MXRA8: variants seen among roughly 807,000 people sequenced by gnomAD.
MXRA8 encodes the protein matrix remodeling-associated protein 8.
A neutral mutation model predicts 51.4 loss-of-function variants in MXRA8; 44 were observed. That is an observed-to-expected ratio of 0.86 (90% confidence interval 0.67 to 1.10). MXRA8 has a LOEUF of 1.10. MXRA8 is among the 50% of genes least tolerant of loss of function. The probability of loss-of-function intolerance (pLI) is 0.00; values close to 1 mark genes in which losing one functional copy is unlikely to be tolerated. For synonymous variants in MXRA8, 369 were observed against 293.5 expected (o/e 1.26, Z -2.63); for missense variants, 765 against 638.9 (o/e 1.20, Z -2.13).
At chr1:1,355,381 C>T (rs765548745) in intron 3 of MXRA8, 36 bp from the exon 4 acceptor site, 7 of 1,545,412 alleles carry the variant, frequency 4.5e-6, no homozygotes, top group Non-Finnish European at 6.1e-6. Context: ...GTGAGCCTTG[C>T]GGTGCCCCCG....
chr1:1,363,304 G>A (rs1451342875), upstream of MXRA8, among the ~76,000 whole-genome samples: 1 of 152,102 alleles, frequency 6.6e-6, no homozygotes, highest in Non-Finnish European at 1.5e-5. Flanking sequence ...AAAAGGACAG[G>A]GTCTCACTGT....
At chr1:1,358,417 G>A (rs748556941) in intron 1 of MXRA8, 39 bp downstream of exon 1, 13 of 1,577,786 alleles carry the variant, frequency 8.2e-6, no homozygotes, top group African/African-American at 4.1e-5. Flanking sequence ...ACAGCCCCAC[G>A]TGCCACCCCC....
upstream of MXRA8, chr1:1,359,312 A>G (rs1220873836): frequency 1.0e-6 from 1 of 985,280 alleles, no homozygotes; most frequent in Non-Finnish European, 1.2e-6. Context: ...TCCTGGAGAA[A>G]GGGGAGAGTG....
chr1:1,353,487 C>T lies in MXRA8; in HGVS notation c.*117G>A. 1 of 1,504,946 alleles carries T rather than the reference C, an allele frequency of 6.6e-7. No individual in the cohort carries two copies. 93.2% of individuals were successfully genotyped at this position (1,504,946 alleles called of 1,614,324 possible). A position where few individuals can be genotyped will look rare whatever the true frequency, so the allele number is the denominator to read the frequency against. Reference sequence around the variant, plus strand: ...CTCTGCATACGCCCAGGCCAAATTCCAGGAAAGCGGGACCAGCCGCTGGAA... The same window carrying T: ...CTCTGCATACGCCCAGGCCAAATTCTAGGAAAGCGGGACCAGCCGCTGGAA... On this transcript the variant is annotated 3_prime_UTR_variant, in exon 10 of 10. Transcript: ENST00000309212.
rs1644089105 is a variant in MXRA8, at chr1:1,354,911, G to A, written c.720C>T (p.Arg240=). The A allele has an allele frequency of 1.2e-6, 2 of 1,609,770 alleles. No homozygotes were observed. Among genetic ancestry groups the A allele is most frequent in the Non-Finnish European group, 1.7e-6 (2 of 1,178,670 alleles). The change falls in exon 5 of 10, where the codon CGC becomes CGT. Residue 240 remains arginine (R), a synonymous_variant. Transcript: ENST00000309212. ...CATCCGCGCCCACAGCCACGCGGTC[G>A]CGCAGAAAAAGGGGCCCGTAGGCGC... ...ERRAYGPLFL[R]DRVAVGADAF... is the part of the protein sequence containing the mutation.
In MXRA8 at chr1:1,354,555, C is replaced by G. The variant is rs201458552; in HGVS notation, c.950-46G>C. The G allele has an allele frequency of 1.0e-5, 16 of 1,590,536 alleles. No homozygotes were observed. In the African/African-American group the frequency reaches 1.9e-4, roughly 19 times the overall value. On this transcript the variant is annotated intron_variant, in intron 5 of 9. Coordinates refer to ENST00000309212, the MANE Select transcript of MXRA8 (RefSeq NM_032348.4). ...GGGCGGCGTCAGGTACCAGCAAGAC[C>G]TGCGCCCCGACCCGGGCCACGGCCC... is the stretch of plus-strand genomic sequence containing the variant.
At chr1:1,360,288 G>T (rs1644204561), upstream of MXRA8, among the ~76,000 whole-genome samples, 1 of 152,226 alleles carries the variant, frequency 6.6e-6, no homozygotes, top group Admixed American at 6.5e-5. Context: ...GCCACCTGGG[G>T]GCAGCTGACC....
At chr1:1,357,546 C>A (rs920271270) in intron 1 of MXRA8, among the ~76,000 whole-genome samples, 3 of 152,190 alleles carry the variant, frequency 2.0e-5, no homozygotes, top group Non-Finnish European at 4.4e-5. Flanking sequence ...GTGGCTCACG[C>A]CTGTAATCCC....
upstream of MXRA8, chr1:1,361,111 A>G (rs1644217132): frequency 8.7e-6 from 6 of 693,196 alleles, no homozygotes; most frequent in Admixed American, 8.1e-5. Flanking sequence ...GGAGACACGC[A>G]TGCATGCACA....
chr1:1,359,331 G>A (rs1644190948), upstream of MXRA8: 4 of 985,314 alleles, frequency 4.1e-6, no homozygotes, highest in Non-Finnish European at 4.8e-6. Context: ...TGGGACCCCT[G>A]CCATGGAAGG....
At chr1:1,360,460 C>T (rs1174040556), upstream of MXRA8, among the ~76,000 whole-genome samples, 1 of 121,738 alleles carries the variant, frequency 8.2e-6, no homozygotes, top group Non-Finnish European at 1.7e-5. Flanking sequence ...TGTGCCTCTT[C>T]TGCACCTTCC....
At chr1:1,356,254 A>G (rs1159011098) in intron 2 of MXRA8, among the ~76,000 whole-genome samples, 1 of 91,208 alleles carries the variant, frequency 1.1e-5, no homozygotes, top group African/African-American at 4.4e-5. Flanking sequence ...GGGGGAGGGC[A>G]AGTCAGTCGG....
rs1644044980 is a variant in MXRA8, at chr1:1,353,515, G to C, written c.*89C>G. On this transcript the variant is annotated 3_prime_UTR_variant, in exon 10 of 10. Transcript: ENST00000309212. ...GAAAGCGGGACCAGCCGCTGGAAGG[G>C]GGGTGAGCCCCGGAGCATCAGGAGA... is the stretch of plus-strand genomic sequence containing the variant. 1.3e-6 allele frequency: 2 copies of C among 1,515,208 alleles called. No individual in the cohort carries two copies. The highest frequency in any genetic ancestry group is 1.8e-6 in the Non-Finnish European group (2 of 1,129,970). The allele number at this position is 1,515,208 out of a possible 1,614,324, so 93.9% of individuals were successfully genotyped here. A position where few individuals can be genotyped will look rare whatever the true frequency, so the allele number is the denominator to read the frequency against.
At chr1:1,358,568 C>T (rs191108239), upstream of MXRA8, 8,824 of 1,575,254 alleles carry the variant, frequency 5.6e-3, 35 homozygotes, top group Non-Finnish European at 6.9e-3. Flanking sequence ...AAAAACAGCC[C>T]TACCCCCTCC....
chr1:1,360,983 AAC>A (rs202221968), upstream of MXRA8, among the ~76,000 whole-genome samples: 10,300 of 35,136 alleles, frequency 0.29, 511 homozygotes, highest in Admixed American at 0.38. Context: ...GATACACGGA[AAC>A]ACAGACACAT....
At position 1,354,110 on chromosome 1, in the gene MXRA8, G is replaced by T; in HGVS notation, c.1146-4C>A. On this transcript the variant is annotated splice_region_variant and splice_polypyrimidine_tract_variant and intron_variant, in intron 7 of 9. Transcript: ENST00000309212. ...CTCCGCCAAGTTAACATCCTTCCTG[G>T]ATGGCGAGGGTGGGAGGAGGTTACA... The T allele has an allele frequency of 6.2e-7, 1 of 1,612,938 alleles. No individual in the cohort carries two copies. The highest frequency in any genetic ancestry group is 8.5e-7 in the Non-Finnish European group (1 of 1,180,004).
At chr1:1,358,408 C>G in intron 1 of MXRA8, 48 bp downstream of exon 1, 1 of 1,568,270 alleles carries the variant, frequency 6.4e-7, no homozygotes, top group South Asian at 1.2e-5. Context: ...CGGACTCGCA[C>G]AGCCCCACGT....
At position 1,352,965 on chromosome 1, in the gene MXRA8, A is replaced by G. The variant is rs13249; in HGVS notation, c.*639T>C. On this transcript the variant is annotated 3_prime_UTR_variant, in exon 10 of 10. Transcript: ENST00000309212. The stretch of plus-strand genomic sequence containing the variant: ...GTAGGGATGGGGCAGAGAAAGGGCA[A>G]GGGGTGCAGCCCCAGGTGGCCCAAA... 0.96 allele frequency: 433,198 copies of G among 449,436 alleles called. 208,954 individuals are homozygous for G. Among genetic ancestry groups the G allele is most frequent in the African/African-American group, 0.99 (48,518 of 49,112 alleles). The allele number at this position is 449,436 out of a possible 1,614,324, so 27.8% of individuals were successfully genotyped here.
Position 1,355,493 on chromosome 1 carries a change from C to A in MXRA8, c.333G>T (p.Ser111=), listed in dbSNP as rs1276634321. The change falls in exon 3 of 10, where the codon TCG becomes TCT. Residue 111 remains serine (S), a synonymous_variant. Transcript: ENST00000309212. ...AGTTGCCGTCGTCGAAGGCCGAGGC[C>A]GAGAGCTCCAGGCGGCCGCGGTCCC... ...EARDRGRLEL[S]ASAFDDGNFS... is the part of the protein sequence containing the mutation. The A allele has an allele frequency of 1.3e-6, 2 of 1,511,662 alleles. No homozygotes were observed. The highest frequency in any genetic ancestry group is 1.4e-5 in the African/African-American group (1 of 69,622). 93.6% of individuals were successfully genotyped at this position (1,511,662 alleles called of 1,614,324 possible). A position where few individuals can be genotyped will look rare whatever the true frequency, so the allele number is the denominator to read the frequency against.
Sources: gnomAD v4.1 joint callset for allele counts (sites outside exome capture counted in the v4.1 genomes callset) on GRCh38, gnomAD v4.1.1 for gene constraint, MANE v1.5 for transcripts, NCBI Gene and HGNC (gene_info 2026-07-23, HGNC 2026-07-21) for gene names.